The following FLT3 variants were observed in gnomAD, a reference collection of about 807,000 sequenced individuals.
The protein encoded by FLT3 is receptor-type tyrosine-protein kinase FLT3.
In FLT3, 46 loss-of-function variants were observed where a neutral mutation model predicts 126.6. The ratio of observed to expected loss-of-function variants is 0.36; its 90% CI spans 0.29 to 0.46. FLT3 has a LOEUF of 0.46. FLT3 is among the 20% of genes least tolerant of loss of function. The pLI, the probability that FLT3 is intolerant of heterozygous loss-of-function variation, is 1.00. For synonymous variants in FLT3, 404 were observed against 434.4 expected, an observed-to-expected ratio of 0.93 and a Z score of 0.87; for missense variants, 1,069 against 1,190.3, an observed-to-expected ratio of 0.90 and a Z score of 1.50.
chr13:28,071,352 T>A (rs1039131503), intron 1 of FLT3, among the ~76,000 whole-genome samples: 28 of 152,016 alleles, frequency 1.8e-4, no homozygotes, highest in African/African-American at 6.5e-4. Context: ...TAGAATCTTT[T>A]CTTTGAAACC....
rs770309879 is a variant in FLT3, at chr13:28,050,239, A to G, written c.615-17T>C. On this transcript the variant is annotated splice_polypyrimidine_tract_variant and intron_variant, in intron 5 of 23. Transcript: ENST00000241453. ...TCTTTACAGCTGCAATTAGAAAAGAAGTACCATTTGGCTAAACAAGTTTTA... is the reference window on the plus strand; with the variant it reads ...TCTTTACAGCTGCAATTAGAAAAGAGGTACCATTTGGCTAAACAAGTTTTA... 18 of 1,613,264 alleles carry G rather than the reference A, an allele frequency of 1.1e-5. No homozygotes were observed. The South Asian group carries it at 2.0e-4, about 18-fold the overall frequency.
At chr13:28,066,581 A>C (rs980434894) in intron 2 of FLT3, among the ~76,000 whole-genome samples, 4 of 152,246 alleles carry the variant, frequency 2.6e-5, no homozygotes, top group African/African-American at 9.6e-5. Flanking sequence ...GAATTTGAGC[A>C]ACAAAATAAA....
At chr13:28,018,892 C>G (rs1449672868) in intron 19 of FLT3, among the ~76,000 whole-genome samples, 1 of 152,180 alleles carries the variant, frequency 6.6e-6, no homozygotes, top group Non-Finnish European at 1.5e-5. Flanking sequence ...AGGGGCCCTC[C>G]CCTGAGCCTT....
intron 4 of FLT3, among the ~76,000 whole-genome samples, chr13:28,053,491 T>C (rs1875736058): frequency 6.6e-6 from 1 of 150,954 alleles, no homozygotes; most frequent in Non-Finnish European, 1.5e-5. Context: ...ACCTAATAAC[T>C]AGAATATTAA....
Position 28,032,949 on chromosome 13 carries a change from G to A in FLT3, c.1942+938C>T, listed in dbSNP as rs75229013. Among the ~76,000 whole-genome samples the A allele has an allele frequency of 6.2e-3, 947 of 152,214 alleles. 14 individuals are homozygous for A. Among genetic ancestry groups the A allele is most frequent in the African/African-American group, 0.022 (896 of 41,524 alleles). On this transcript the variant is annotated intron_variant, in intron 15 of 23. Coordinates refer to ENST00000241453, the MANE Select transcript of FLT3 (RefSeq NM_004119.3). The stretch of plus-strand genomic sequence containing the variant: ...CTTTTGCTGGGTCAGCGGTGGTAAC[G>A]GTGAGGCCAGCAATGGGGCTGGACG...
chr13:28,073,770 C>A (rs1877729491), intron 1 of FLT3, among the ~76,000 whole-genome samples: 2 of 145,230 alleles, frequency 1.4e-5, no homozygotes, highest in South Asian at 4.5e-4. Flanking sequence ...CCCATCTCTA[C>A]AAAAATTTGT....
At chr13:28,057,830 A>G (rs1876145104) in intron 3 of FLT3, among the ~76,000 whole-genome samples, 1 of 152,158 alleles carries the variant, frequency 6.6e-6, no homozygotes, top group African/African-American at 2.4e-5. Flanking sequence ...ACCTGAGGTC[A>G]GGAGTTCGAG....
chr13:28,030,248 G>A (rs1180786193), intron 15 of FLT3, among the ~76,000 whole-genome samples: 2 of 152,164 alleles, frequency 1.3e-5, no homozygotes, highest in Non-Finnish European at 2.9e-5. Flanking sequence ...TGGGCACTGG[G>A]ACCCCCTAAT....
chr13:28,088,642 A>G lies in FLT3; in HGVS notation c.43+11826T>C, dbSNP rs1490043222. Among the ~76,000 whole-genome samples, 8 of 142,760 alleles carry G rather than the reference A, an allele frequency of 5.6e-5. No individual in the cohort carries two copies. The East Asian group carries it at 1.5e-3, about 26-fold the overall frequency. The allele number at this position is 142,760 out of a possible 152,430, so 93.7% of individuals were successfully genotyped here. A position where few individuals can be genotyped will look rare whatever the true frequency, so the allele number is the denominator to read the frequency against. On this transcript the variant is annotated intron_variant, in intron 1 of 23. Transcript: ENST00000241453. ...ACACTGTCACCTGGGCTGGAGTGCA[A>G]TGGTGCGATCTTGGCTCACTGCAAC...
chr13:28,095,142 A>G (rs929829835), intron 1 of FLT3, among the ~76,000 whole-genome samples: 4 of 152,210 alleles, frequency 2.6e-5, no homozygotes, highest in Non-Finnish European at 5.9e-5. Context: ...TATATAAGAA[A>G]AAACAAAAAA....
In FLT3 at chr13:28,009,562, A is replaced by G. The variant is rs1195988285; in HGVS notation, c.2859+4890T>C. The stretch of plus-strand genomic sequence containing the variant: ...CCTCACTTTTATTTTAGTTTAGTTT[A>G]GTTCTGTTCTGTTGAGACAGAGTCT... On this transcript the variant is annotated intron_variant, in intron 23 of 23. Coordinates refer to ENST00000241453, the MANE Select transcript of FLT3 (RefSeq NM_004119.3). 4 of 152,090 alleles carry G rather than the reference A, an allele frequency of 2.6e-5. 1 individual carries two copies. Among genetic ancestry groups the G allele is most frequent in the Admixed American group, 6.6e-5 (1 of 15,262 alleles). The allele number at this position is 152,090 out of a possible 1,614,324, so 9.4% of individuals were successfully genotyped here. A position where few individuals can be genotyped will look rare whatever the true frequency, so the allele number is the denominator to read the frequency against.
At chr13:28,092,909 A>G (rs1294844661) in intron 1 of FLT3, among the ~76,000 whole-genome samples, 1 of 144,024 alleles carries the variant, frequency 6.9e-6, no homozygotes, top group Non-Finnish European at 1.5e-5. Context: ...ATCCATCCAG[A>G]GACTACTTTT....
chr13:28,086,332 C>T (rs1878668201), intron 1 of FLT3, among the ~76,000 whole-genome samples: 1 of 152,186 alleles, frequency 6.6e-6, no homozygotes. Context: ...GGTGATGTTA[C>T]ATTACTTCGT....
At chr13:28,049,835 A>G in intron 6 of FLT3, 61 bp from the exon 7 acceptor site, 1 of 1,543,742 alleles carries the variant, frequency 6.5e-7, no homozygotes, top group South Asian at 1.2e-5. Context: ...ATCACAAAAG[A>G]TATCCTGAAC....
chr13:28,090,608 T>C (rs1242114062), intron 1 of FLT3, among the ~76,000 whole-genome samples: 1 of 152,000 alleles, frequency 6.6e-6, no homozygotes, highest in East Asian at 1.9e-4. Context: ...CAAAGCCCCA[T>C]CTCTACCAAA....
intron 1 of FLT3, among the ~76,000 whole-genome samples, chr13:28,083,652 G>T (rs1235877619): frequency 6.6e-6 from 1 of 152,122 alleles, no homozygotes; most frequent in African/African-American, 2.4e-5. Context: ...TTTAACTACA[G>T]ATTAAATTGC....
chr13:28,091,257 TGTCG>T (rs2137827002), intron 1 of FLT3, among the ~76,000 whole-genome samples: 1 of 125,242 alleles, frequency 8.0e-6, no homozygotes, highest in East Asian at 2.7e-4. Context: ...AGTCTCGCTC[TGTCG>T]CCCAGGCTGG....
chr13:28,081,001 T>C (rs1298932867), intron 1 of FLT3, among the ~76,000 whole-genome samples: 2 of 152,206 alleles, frequency 1.3e-5, no homozygotes, highest in African/African-American at 2.4e-5. Flanking sequence ...TGTTTGTCTA[T>C]CTGGATGCCA....
At chr13:28,084,349 C>G (rs1458599569) in intron 1 of FLT3, among the ~76,000 whole-genome samples, 1 of 151,668 alleles carries the variant, frequency 6.6e-6, no homozygotes. Context: ...AAATGTCCTG[C>G]AGTTATTAAT....
Sources: allele counts gnomAD v4.1 joint callset (sites outside exome capture counted in the v4.1 genomes callset), GRCh38; gene constraint gnomAD v4.1.1; transcripts MANE v1.5; gene names NCBI Gene and HGNC (gene_info 2026-07-23, HGNC 2026-07-21).